PTPRH: variants seen among roughly 807,000 people sequenced by gnomAD.
The protein encoded by PTPRH is protein tyrosine phosphatase receptor type H.
A neutral mutation model predicts 130.2 loss-of-function variants in PTPRH; 113 were observed. That is an observed-to-expected ratio of 0.87 (90% confidence interval 0.75 to 1.01). The LOEUF is 1.01. Among genes scored for constraint, PTPRH ranks in the 50% least tolerant of loss-of-function variants. The probability of loss-of-function intolerance (pLI) is 0.00; values close to 1 mark genes in which losing one functional copy is unlikely to be tolerated. For missense variants in PTPRH, 1,430 were observed against 1,425.0 expected (o/e 1.00, Z -0.06); for synonymous variants, 556 against 577.9 (o/e 0.96, Z 0.54).
rs749456851 is a variant in PTPRH at position 55,200,455 on chromosome 19, AGCT to A, written c.1198_1200del (p.Ser401del). 25 of 1,613,938 alleles carry A rather than the reference AGCT, an allele frequency of 1.5e-5. No individual in the cohort carries two copies. In the East Asian group the frequency reaches 5.6e-4, roughly 36 times the overall value. ...GGGACTTCCCAGCATAGGGCGATGGAGCTGTTGGTCTGAGTCTCCATATGGAGG... is the reference window on the plus strand; with the variant it reads ...GGGACTTCCCAGCATAGGGCGATGGAGTTGGTCTGAGTCTCCATATGGAGG... On this transcript the variant is annotated inframe_deletion, in exon 7 of 20. Coordinates refer to ENST00000376350, the MANE Select transcript of PTPRH (RefSeq NM_002842.5).
chr19:55,200,322 A>AGTCTCTC lies in PTPRH; in HGVS notation c.1327_1333dup (p.Leu445ArgfsTer4). On this transcript the variant is annotated frameshift_variant, in exon 7 of 20. Coordinates refer to ENST00000376350, the MANE Select transcript of PTPRH (RefSeq NM_002842.5). LOFTEE classifies it high-confidence loss of function. ...GAATGTGTACAAGGTTCCGGGCTCAAGTCTCTCAGCTGTCACACTGGTATT... is the reference window on the plus strand; with the variant it reads ...GAATGTGTACAAGGTTCCGGGCTCAAGTCTCTCGTCTCTCAGCTGTCACACTGGTATT... 6.2e-7 allele frequency: 1 copy of AGTCTCTC among 1,614,184 alleles called. No homozygotes were observed. The highest frequency in any genetic ancestry group is 8.5e-7 in the Non-Finnish European group (1 of 1,180,032).
Position 55,187,502 on chromosome 19 carries a change from C to T in PTPRH, c.2566+11G>A. On this transcript the variant is annotated intron_variant, in intron 14 of 19. Transcript: ENST00000376350. The stretch of plus-strand genomic sequence containing the variant: ...GGGCTGGGACAAAAGCAGCAGGAAC[C>T]CGAGACTCACAGGGCAGCACATTTC... 1 of 1,607,448 alleles carries T rather than the reference C, an allele frequency of 6.2e-7. No individual in the cohort carries two copies. The highest frequency in any genetic ancestry group is 8.5e-7 in the Non-Finnish European group (1 of 1,174,576).
rs1287290422 is a variant in PTPRH at position 55,185,812 on chromosome 19, A to G, written c.2901+50T>C. 11 of 1,613,356 alleles carry G rather than the reference A, an allele frequency of 6.8e-6. No homozygotes were observed. In the South Asian group the frequency reaches 8.8e-5, roughly 13 times the overall value. On this transcript the variant is annotated intron_variant, in intron 17 of 19. Coordinates refer to ENST00000376350, the MANE Select transcript of PTPRH (RefSeq NM_002842.5). ...TGGTGGAGGGTCCTGGATGCATGGC[A>G]TATGTCACAGGGGAAGGCTGAGGGC...
At chr19:55,195,321 G>A (rs189423691) in intron 10 of PTPRH, among the ~76,000 whole-genome samples, 101 of 141,568 alleles carry the variant, frequency 7.1e-4, no homozygotes, top group Non-Finnish European at 1.1e-3. Context: ...GTGAAACTCC[G>A]CCTCAAAAAA....
chr19:55,209,193 G>C lies in PTPRH; in HGVS notation c.51+190C>G, dbSNP rs2087165120. Among the ~76,000 whole-genome samples, 1 of 152,064 alleles carries C rather than the reference G, an allele frequency of 6.6e-6. No individual in the cohort carries two copies. Among genetic ancestry groups the C allele is most frequent in the East Asian group, 1.9e-4 (1 of 5,196 alleles). Reference sequence around the variant, plus strand: ...GGTGAAGCTGGTGTCCCCCGCAGCAGACACGACAGTATCTAAGAGCCCAGG... The same window carrying C: ...GGTGAAGCTGGTGTCCCCCGCAGCACACACGACAGTATCTAAGAGCCCAGG... On this transcript the variant is annotated intron_variant, in intron 1 of 19. Coordinates refer to ENST00000376350, the MANE Select transcript of PTPRH (RefSeq NM_002842.5). This position sits in a 1 kb window ranked among gnomAD's most constrained non-coding sequence, Gnocchi z 4.1.
In PTPRH at chr19:55,207,145, G is replaced by C. The variant is rs370777500; in HGVS notation, c.85+21C>G. ...TCCCACCTCTTCGAGTGGGCAGTGAGTTCAGGCAGGGGTCACTCACCAGGC... is the reference window on the plus strand; with the variant it reads ...TCCCACCTCTTCGAGTGGGCAGTGACTTCAGGCAGGGGTCACTCACCAGGC... On this transcript the variant is annotated intron_variant, in intron 2 of 19. Transcript: ENST00000376350. 25 of 1,612,832 alleles carry C rather than the reference G, an allele frequency of 1.6e-5. No individual in the cohort carries two copies. In the South Asian group the frequency reaches 1.8e-4, roughly 11 times the overall value.
At position 55,191,646 on chromosome 19, in the gene PTPRH, C is replaced by A; in HGVS notation, c.2336+17G>T. 2 of 1,613,550 alleles carry A rather than the reference C, an allele frequency of 1.2e-6. No homozygotes were observed. The highest frequency in any genetic ancestry group is 1.7e-6 in the Non-Finnish European group (2 of 1,179,490). On this transcript the variant is annotated intron_variant, in intron 11 of 19. Transcript: ENST00000376350. The stretch of plus-strand genomic sequence containing the variant: ...AGCCCCCACCCTCCAGGCGGTCAGC[C>A]CTGTGCTGAGTCTCACCTCCTCTTC...
intron 14 of PTPRH, 142 bp downstream of exon 14, chr19:55,187,369 GAA>G (rs796449875): frequency 3.8e-4 from 96 of 251,244 alleles, no homozygotes; most frequent in Middle Eastern, 1.2e-3. Flanking sequence ...AAGAAAAAAA[GAA>G]AAAAAAAAAA....
intron 8 of PTPRH, among the ~76,000 whole-genome samples, chr19:55,198,085 C>T (rs1414950220): frequency 2.0e-5 from 3 of 152,040 alleles, no homozygotes; most frequent in South Asian, 2.1e-4. Context: ...GGCATGGTGG[C>T]GCATGTTTGT....
chr19:55,186,282 C>T lies in PTPRH; in HGVS notation c.2721G>A (p.Val907=). The T allele has an allele frequency of 6.2e-7, 1 of 1,614,054 alleles. No homozygotes were observed. Among genetic ancestry groups the T allele is most frequent in the Non-Finnish European group, 8.5e-7 (1 of 1,179,984 alleles). The part of the protein sequence containing the change: ...PQTVGDFWRL[V]WEQQSHTLVM... ...CCAGGGTGTGGCTCTGCTGTTCCCA[C>T]ACCAGGCGCCAGAAGTCACCCACTG... Residue 907 remains valine, a synonymous_variant, in exon 16 of 20, where the codon GTG becomes GTA. Transcript: ENST00000376350.
At chr19:55,186,981 G>T (rs928406597) in intron 14 of PTPRH, among the ~76,000 whole-genome samples, 7 of 149,840 alleles carry the variant, frequency 4.7e-5, no homozygotes, top group Admixed American at 4.0e-4. Flanking sequence ...AGAGGTGGAG[G>T]TTGCAGTGAG....
At chr19:55,203,688 G>A (rs553957213) in intron 5 of PTPRH, 94 bp downstream of exon 5, 242 of 1,419,282 alleles carry the variant, frequency 1.7e-4, no homozygotes, top group Non-Finnish European at 2.1e-4. Context: ...GTTTCTATTG[G>A]ACTAAAGAAC....
At chr19:55,191,808 GC>G in intron 10 of PTPRH, 67 bp from the exon 11 acceptor site, 1 of 1,375,882 alleles carries the variant, frequency 7.3e-7, no homozygotes. Context: ...CTCCAACCCT[GC>G]CCAGCCTTTC....
chr19:55,187,354 AAAAAAAG>A (rs1383369772), intron 14 of PTPRH, among the ~76,000 whole-genome samples, 152 bp downstream of exon 14: 12,846 of 136,702 alleles, frequency 0.094, 1,015 homozygotes, highest in African/African-American at 0.16. Context: ...CAAAAAAAAA[AAAAAAAG>A]AAAAAAAGAA....
chr19:55,204,990 G>A (rs1033933327), intron 4 of PTPRH, among the ~76,000 whole-genome samples: 11 of 152,160 alleles, frequency 7.2e-5, no homozygotes, highest in Non-Finnish European at 1.6e-4. Flanking sequence ...CGCAGCTGGG[G>A]ACTAGAAGAA....
intron 10 of PTPRH, 90 bp downstream of exon 10, chr19:55,196,430 CAA>C (rs2086680893): frequency 2.1e-6 from 3 of 1,404,586 alleles, no homozygotes; most frequent in African/African-American, 1.4e-5. Context: ...AAATGAGAAA[CAA>C]AAGAGTCCCA....
In PTPRH at chr19:55,205,680, A is replaced by G. The variant is rs1384984819; in HGVS notation, c.353-88T>C. The G allele has an allele frequency of 1.4e-4, 212 of 1,562,334 alleles. 1 individual carries two copies. Among genetic ancestry groups the G allele is most frequent in the South Asian group, 1.1e-4 (9 of 80,920 alleles). On this transcript the variant is annotated intron_variant, in intron 3 of 19. Transcript: ENST00000376350. Reference sequence around the variant, plus strand: ...TCCTTAACCGTTGCATCCAGCAGGTAGAGGCAGGGAGGCCCAGCTCTGCAC... The same window carrying G: ...TCCTTAACCGTTGCATCCAGCAGGTGGAGGCAGGGAGGCCCAGCTCTGCAC...
intron 10 of PTPRH, chr19:55,194,421 C>G: frequency 3.9e-6 from 4 of 1,020,554 alleles, no homozygotes; most frequent in Non-Finnish European, 5.0e-6. Context: ...TCTCAGGGAT[C>G]CTTGTTACTA....
In PTPRH at chr19:55,186,536, G is replaced by C; in HGVS notation, c.2571C>G (p.Asp857Glu). 2 of 1,397,392 alleles carry C rather than the reference G, an allele frequency of 1.4e-6. No individual in the cohort carries two copies. The highest frequency in any genetic ancestry group is 2.0e-4 in the Middle Eastern group (1 of 5,034). The allele number at this position is 1,397,392 out of a possible 1,614,324, so 86.6% of individuals were successfully genotyped here. The change falls in exon 15 of 20, where the codon GAC becomes GAG. Residue 857 changes from aspartate (D) to glutamate (E), a missense_variant. Asp to Glu is a conservative substitution (Grantham distance 45). Coordinates refer to ENST00000376350, the MANE Select transcript of PTPRH (RefSeq NM_002842.5). The part of the protein sequence containing the change: ...KNRYRNVLPY[D>E]WSRVPLKPIH... ...TGGGCTTCAGGGGCACCCGGGACCA[G>C]TCATCTAGGAGAAGAGGCCAGCATT...
Sources: allele counts gnomAD v4.1 joint callset (sites outside exome capture counted in the v4.1 genomes callset), GRCh38; gene constraint gnomAD v4.1.1; non-coding constraint Gnocchi (gnomAD v3.1); transcripts MANE v1.5; gene names NCBI Gene and HGNC (gene_info 2026-07-23, HGNC 2026-07-21).